PSD3: variants seen among roughly 807,000 people sequenced by gnomAD.
The protein encoded by PSD3 is pleckstrin and Sec7 domain containing 3.
Under a neutral mutation model 105.5 loss-of-function variants are expected in PSD3, and 49 were observed. That is an observed-to-expected ratio of 0.46 (90% CI 0.37 to 0.59). The LOEUF (loss-of-function observed/expected upper bound fraction) is 0.59. Ranked by LOEUF, PSD3 falls within the 20% of genes least tolerant of loss-of-function variation. PSD3 has a pLI of 0.00. For synonymous variants in PSD3, 557 were observed against 457.8 expected, an observed-to-expected ratio of 1.22 and a Z score of -2.77; for missense variants, 1,561 against 1,263.8, an observed-to-expected ratio of 1.24 and a Z score of -3.57.
At chr8:18,561,505 A>G (rs556802838) in intron 14 of PSD3, among the ~76,000 whole-genome samples, 34 of 152,236 alleles carry the variant, frequency 2.2e-4, no homozygotes, top group African/African-American at 8.2e-4. Flanking sequence ...AAGGATGAAA[A>G]ATATCAGACA....
chr8:18,734,326 A>G (rs1803990746), intron 9 of PSD3: 1 of 152,244 alleles, frequency 6.6e-6, no homozygotes, highest in East Asian at 1.9e-4. Context: ...ATTCATGTAT[A>G]TGTCTGAAAA....
intron 14 of PSD3, 112 bp from the exon 15 acceptor site, chr8:18,556,464 G>T: frequency 9.7e-7 from 1 of 1,026,142 alleles, no homozygotes; most frequent in Non-Finnish European, 1.4e-6. Flanking sequence ...CACTAAAACA[G>T]CCCAATGTGC....
chr8:18,851,025 A>T (rs1815523098), intron 4 of PSD3, among the ~76,000 whole-genome samples: 1 of 152,238 alleles, frequency 6.6e-6, no homozygotes, highest in African/African-American at 2.4e-5. Flanking sequence ...CCAGAACACC[A>T]GACAGCTACA....
intron 4 of PSD3, among the ~76,000 whole-genome samples, chr8:18,860,783 G>A (rs1563354986): frequency 6.6e-6 from 1 of 152,140 alleles, no homozygotes; most frequent in Non-Finnish European, 1.5e-5. Flanking sequence ...ATATTGTACT[G>A]ATATATGAAT....
rs1215634498 is a variant in PSD3 at position 18,534,813 on chromosome 8, A to G, written c.*930T>C. On this transcript the variant is annotated 3_prime_UTR_variant, in exon 16 of 16. Transcript: ENST00000327040. ...CAACCCCATGCCCACACACGCACAC[A>G]CACGCACGCACACACACATATGTAG... is the stretch of plus-strand genomic sequence containing the variant. The G allele has an allele frequency of 1.3e-5, 2 of 152,606 alleles. No individual in the cohort carries two copies. Among genetic ancestry groups the G allele is most frequent in the Middle Eastern group, 3.4e-3 (1 of 294 alleles). 9.5% of individuals were successfully genotyped at this position (152,606 alleles called of 1,614,324 possible). A position where few individuals can be genotyped will look rare whatever the true frequency, so the allele number is the denominator to read the frequency against.
At chr8:18,608,752 T>C (rs952135130) in intron 11 of PSD3, among the ~76,000 whole-genome samples, 3 of 152,160 alleles carry the variant, frequency 2.0e-5, no homozygotes, top group Non-Finnish European at 4.4e-5. Context: ...CGAGTAATAA[T>C]GGATTTATGC....
intron 1 of PSD3, among the ~76,000 whole-genome samples, chr8:19,073,430 A>C (rs1829337311): frequency 6.6e-6 from 1 of 151,974 alleles, no homozygotes; most frequent in African/African-American, 2.4e-5. Context: ...ACACCCATGT[A>C]ATCCCAGCTA....
chr8:18,875,061 G>A (rs920201946), intron 2 of PSD3, among the ~76,000 whole-genome samples: 1 of 152,120 alleles, frequency 6.6e-6, no homozygotes, highest in Admixed American at 6.5e-5. Context: ...GACCACAACA[G>A]GCATGCACCA....
At chr8:18,775,204 T>C (rs932770662) in intron 8 of PSD3, among the ~76,000 whole-genome samples, 7 of 152,212 alleles carry the variant, frequency 4.6e-5, no homozygotes, top group Admixed American at 3.9e-4. Context: ...TCATTTTCTA[T>C]GGCCGAGTAA....
intron 4 of PSD3, among the ~76,000 whole-genome samples, chr8:18,816,598 A>C (rs1417147996): frequency 1.3e-5 from 2 of 152,208 alleles, no homozygotes; most frequent in African/African-American, 4.8e-5. Flanking sequence ...TTTTCACTCC[A>C]ATTATTTATT....
At chr8:18,591,277 G>A (rs780949009) in intron 12 of PSD3, among the ~76,000 whole-genome samples, 3 of 152,144 alleles carry the variant, frequency 2.0e-5, no homozygotes, top group Non-Finnish European at 4.4e-5. Context: ...AAGGAAAGAG[G>A]TCTTTGCTAT....
At chr8:18,586,063 G>C (rs1803163214) in intron 12 of PSD3, among the ~76,000 whole-genome samples, 1 of 152,104 alleles carries the variant, frequency 6.6e-6, no homozygotes, top group Non-Finnish European at 1.5e-5. Flanking sequence ...ATACCTAAGA[G>C]GCTGCCGACA....
chr8:18,887,976 G>A (rs531962557), intron 2 of PSD3, among the ~76,000 whole-genome samples: 3 of 152,276 alleles, frequency 2.0e-5, no homozygotes, highest in African/African-American at 7.2e-5. Context: ...AAACTCAAGA[G>A]AGGTGTGTGA....
chr8:18,638,667 G>A (rs992220450), intron 10 of PSD3, among the ~76,000 whole-genome samples: 4 of 152,042 alleles, frequency 2.6e-5, no homozygotes, highest in Non-Finnish European at 5.9e-5. Flanking sequence ...TTAATGAACT[G>A]GAAGAATTAA....
Position 18,609,072 on chromosome 8 carries a change from G to A in PSD3, c.2411-8638C>T, listed in dbSNP as rs551625873. Reference sequence around the variant, plus strand: ...TAATATGGATAGAAAGACATAGTATGAGCATTGCCTATTGTTTTCATTTAA... The same window carrying A: ...TAATATGGATAGAAAGACATAGTATAAGCATTGCCTATTGTTTTCATTTAA... On this transcript the variant is annotated intron_variant, in intron 11 of 15. Transcript: ENST00000327040. Among the ~76,000 whole-genome samples the A allele has an allele frequency of 4.9e-4, 75 of 152,206 alleles. 1 individual carries two copies. The highest frequency in any genetic ancestry group is 1.0e-3 in the Non-Finnish European group (68 of 68,006).
At chr8:18,896,411 C>T (rs376727675) in intron 2 of PSD3, among the ~76,000 whole-genome samples, 1 of 152,050 alleles carries the variant, frequency 6.6e-6, no homozygotes, top group East Asian at 1.9e-4. Context: ...TCCTTAGTGG[C>T]TATACTTTTA....
chr8:18,726,209 T>C (rs1401927833), intron 9 of PSD3, among the ~76,000 whole-genome samples: 1 of 152,248 alleles, frequency 6.6e-6, no homozygotes, highest in Non-Finnish European at 1.5e-5. Context: ...CACTGGCCTC[T>C]GTTTCTTTTA....
At position 18,934,101 on chromosome 8, in the gene PSD3, G is replaced by C. The variant is rs192032888; in HGVS notation, c.130+1933C>G. ...CTAAAAGAAGTTATTATATGGCTGT[G>C]TATACACTGCCTTCTTGGTATCCTC... On this transcript the variant is annotated intron_variant, in intron 2 of 15. Transcript: ENST00000327040. Among the ~76,000 whole-genome samples the C allele has an allele frequency of 2.3e-3, 349 of 152,244 alleles. 2 individuals carry two copies. The highest frequency in any genetic ancestry group is 2.3e-3 in the Non-Finnish European group (158 of 68,028).
chr8:19,036,139 C>T (rs546584539), intron 1 of PSD3, among the ~76,000 whole-genome samples: 5 of 152,224 alleles, frequency 3.3e-5, no homozygotes, highest in South Asian at 2.1e-4. Context: ...GAAAGGAGGA[C>T]GGAGATTGCC....
Sources: gnomAD v4.1 joint callset for allele counts (sites outside exome capture counted in the v4.1 genomes callset) on GRCh38, gnomAD v4.1.1 for gene constraint, MANE v1.5 for transcripts, NCBI Gene and HGNC (gene_info 2026-07-23, HGNC 2026-07-21) for gene names.